The following KLRF1 variants were observed in gnomAD, a reference collection of about 807,000 sequenced individuals.
KLRF1 encodes killer cell lectin like receptor F1.
KLRF1 carries 27 observed loss-of-function variants against 30.7 expected under a neutral mutation model. The observed-to-expected ratio is 0.88, with a 90% CI of 0.65 to 1.21. The LOEUF is 1.21. KLRF1 is among the 50% of genes most tolerant of loss of function. The pLI is 0.00. For missense variants in KLRF1, 246 were observed against 259.3 expected (o/e 0.95, Z 0.35); for synonymous variants, 92 against 89.3 (o/e 1.03, Z -0.17).
At chr12:9,810,232 T>C in the KLRF1 span, among the ~76,000 whole-genome samples, 5 of 152,172 alleles carry the variant, frequency 3.3e-5, no homozygotes, top group Admixed American at 3.3e-4. Flanking sequence ...TTCTCATACT[T>C]TATCTGAATC....
the KLRF1 span, among the ~76,000 whole-genome samples, chr12:9,807,406 C>A: frequency 1.3e-5 from 2 of 152,058 alleles, no homozygotes; most frequent in South Asian, 4.2e-4. Context: ...ATCTTCATTT[C>A]TTTGTTTCTC....
At chr12:9,830,269 A>G (rs1397788548) in intron 1 of KLRF1, among the ~76,000 whole-genome samples, 2 of 152,064 alleles carry the variant, frequency 1.3e-5, no homozygotes, top group Non-Finnish European at 2.9e-5. Context: ...TATTTTTATA[A>G]ATGCAGCTAC....
At chr12:9,804,493 A>G in the KLRF1 span, among the ~76,000 whole-genome samples, 3 of 152,044 alleles carry the variant, frequency 2.0e-5, no homozygotes, top group African/African-American at 4.8e-5. Flanking sequence ...TTAGTGTAAT[A>G]TCTAAAGAAA....
At chr12:9,832,254 G>T in intron 1 of KLRF1, 62 bp from the exon 2 acceptor site, 2 of 856,448 alleles carry the variant, frequency 2.3e-6, no homozygotes, top group South Asian at 1.5e-5. Context: ...TATTACAATT[G>T]CTATTGTATT....
the KLRF1 span, among the ~76,000 whole-genome samples, chr12:9,811,319 CAAA>C: frequency 1.3e-3 from 79 of 62,186 alleles, 2 homozygotes; most frequent in African/African-American, 4.7e-3. Context: ...AGAAGTAGTC[CAAA>C]AAAAAAAAAA....
the KLRF1 span, among the ~76,000 whole-genome samples, chr12:9,809,786 T>G: frequency 2.0e-5 from 3 of 152,154 alleles, no homozygotes; most frequent in Non-Finnish European, 4.4e-5. Context: ...TAAGTTCCAC[T>G]TTCAAAAGTT....
chr12:9,842,199 A>G (rs561545167), intron 4 of KLRF1, 122 bp from the exon 5 acceptor site: 14 of 987,466 alleles, frequency 1.4e-5, no homozygotes, highest in Non-Finnish European at 1.9e-5. Context: ...TATAAGTAAG[A>G]TATGAATTGA....
chr12:9,836,828 T>C (rs960253026), intron 3 of KLRF1, among the ~76,000 whole-genome samples: 14 of 152,124 alleles, frequency 9.2e-5, no homozygotes, highest in African/African-American at 3.4e-4. Flanking sequence ...TTGGGTATCA[T>C]TGCAATGACA....
At chr12:9,804,942 C>G in the KLRF1 span, among the ~76,000 whole-genome samples, 20 of 151,728 alleles carry the variant, frequency 1.3e-4, no homozygotes, top group Non-Finnish European at 2.7e-4. Flanking sequence ...GATGTTCAAC[C>G]AATTTTGCAT....
the KLRF1 span, among the ~76,000 whole-genome samples, chr12:9,805,322 G>A: frequency 6.6e-6 from 1 of 151,868 alleles, no homozygotes; most frequent in Non-Finnish European, 1.5e-5. Context: ...GACATCTTGT[G>A]TGTCCCTTCT....
chr12:9,801,334 A>G, the KLRF1 span, among the ~76,000 whole-genome samples: 10 of 152,164 alleles, frequency 6.6e-5, no homozygotes, highest in Middle Eastern at 6.8e-3. Flanking sequence ...TTATAGTAGA[A>G]TGATTTATGC....
At chr12:9,816,750 T>C in the KLRF1 span, among the ~76,000 whole-genome samples, 2 of 133,628 alleles carry the variant, frequency 1.5e-5, no homozygotes, top group Non-Finnish European at 3.2e-5. Flanking sequence ...TTTTTTTTTT[T>C]TGAGACGGAG....
the KLRF1 span, among the ~76,000 whole-genome samples, chr12:9,805,122 C>T: frequency 6.6e-6 from 1 of 151,812 alleles, no homozygotes; most frequent in Admixed American, 6.6e-5. Flanking sequence ...GTGTTGTTGG[C>T]TTCAAGAAAT....
intron 1 of KLRF1, among the ~76,000 whole-genome samples, chr12:9,829,014 G>A (rs758015930): frequency 7.2e-5 from 11 of 152,080 alleles, no homozygotes; most frequent in African/African-American, 2.2e-4. Flanking sequence ...GAGGTAAGAC[G>A]TATTTTATGT....
intron 3 of KLRF1, among the ~76,000 whole-genome samples, chr12:9,836,686 T>C (rs1317518416): frequency 6.6e-6 from 1 of 152,160 alleles, no homozygotes; most frequent in African/African-American, 2.4e-5. Flanking sequence ...TTATATATTT[T>C]ATGTTCTACT....
chr12:9,841,886 G>C lies in KLRF1; in HGVS notation c.409G>C (p.Asp137His), dbSNP rs1163581769. 13 of 1,611,346 alleles carry C rather than the reference G, an allele frequency of 8.1e-6. No homozygotes were observed. Among genetic ancestry groups the C allele is most frequent in the Non-Finnish European group, 1.0e-5 (12 of 1,178,110 alleles). The part of the protein sequence containing the change: ...WFSNEMKSWS[D>H]SYVYCLERKS... ...CTCTAATGAGATGAAAAGCTGGAGTGACAGTTATGTGTATTGTTTGGAAAG... is the reference window on the plus strand; with the variant it reads ...CTCTAATGAGATGAAAAGCTGGAGTCACAGTTATGTGTATTGTTTGGAAAG... The change falls in exon 4 of 6, where the codon GAC becomes CAC. Residue 137 changes from aspartate to histidine, a missense_variant. Physicochemically the swap from Asp to His is moderately conservative, Grantham distance 81 (BLOSUM62 -1). Coordinates refer to ENST00000617889, the MANE Select transcript of KLRF1 (RefSeq NM_016523.3).
At chr12:9,806,708 G>C in the KLRF1 span, among the ~76,000 whole-genome samples, 1 of 152,012 alleles carries the variant, frequency 6.6e-6, no homozygotes, top group Non-Finnish European at 1.5e-5. Flanking sequence ...TAGAGACAGG[G>C]TCTGATTCTG....
At chr12:9,819,357 A>G in the KLRF1 span, among the ~76,000 whole-genome samples, 1 of 151,452 alleles carries the variant, frequency 6.6e-6, no homozygotes, top group Admixed American at 6.6e-5. Context: ...CTGGCTTGGA[A>G]CTCCAGCCAG....
chr12:9,807,381 C>A, the KLRF1 span, among the ~76,000 whole-genome samples: 1 of 151,976 alleles, frequency 6.6e-6, no homozygotes, highest in Non-Finnish European at 1.5e-5. Flanking sequence ...TTCCTTATTT[C>A]TTCTTTAAGA....
Sources: allele counts gnomAD v4.1 joint callset (sites outside exome capture counted in the v4.1 genomes callset), GRCh38; gene constraint gnomAD v4.1.1; transcripts MANE v1.5; gene names NCBI Gene and HGNC (gene_info 2026-07-23, HGNC 2026-07-21).